ZNF385B: variants seen among roughly 807,000 people sequenced by gnomAD.
ZNF385B encodes zinc finger protein 385B, also known as zinc finger protein 533.
A neutral mutation model predicts 39.2 loss-of-function variants in ZNF385B; 23 were observed. The observed-to-expected ratio is 0.59, with a 90% CI of 0.42 to 0.83. ZNF385B has a LOEUF of 0.83. Among genes scored for constraint, ZNF385B ranks in the 40% least tolerant of loss-of-function variants. ZNF385B has a pLI of 0.00. For missense variants in ZNF385B, 552 were observed against 598.9 expected (o/e 0.92, Z 0.82); for synonymous variants, 205 against 222.6 (o/e 0.92, Z 0.70).
chr2:179,491,574 C>T (rs1227296547), intron 5 of ZNF385B, among the ~76,000 whole-genome samples: 1 of 152,054 alleles, frequency 6.6e-6, no homozygotes, highest in Non-Finnish European at 1.5e-5. Context: ...TAATGGGAAC[C>T]ATTATAATTT....
chr2:179,694,595 T>C (rs1019171848), intron 3 of ZNF385B, among the ~76,000 whole-genome samples: 2 of 152,094 alleles, frequency 1.3e-5, no homozygotes, highest in Non-Finnish European at 1.5e-5. Context: ...AAAAAAGGGA[T>C]TGGACTTTGA....
intron 3 of ZNF385B, among the ~76,000 whole-genome samples, chr2:179,639,945 G>A (rs3112939): frequency 6.6e-6 from 1 of 152,076 alleles, no homozygotes; most frequent in Non-Finnish European, 1.5e-5. Flanking sequence ...AATGACACTG[G>A]GAAGGACACA....
intron 3 of ZNF385B, among the ~76,000 whole-genome samples, chr2:179,692,584 A>G (rs1348996580): frequency 6.6e-6 from 1 of 152,196 alleles, no homozygotes; most frequent in Non-Finnish European, 1.5e-5. Flanking sequence ...ACGTTTCACA[A>G]AGTGCTTTCA....
intron 8 of ZNF385B, 28 bp from the exon 9 acceptor site, chr2:179,445,005 C>T: frequency 6.3e-7 from 1 of 1,581,444 alleles, no homozygotes; most frequent in Non-Finnish European, 8.7e-7. Context: ...ATTAGCTGGA[C>T]TGAAATGTGA....
chr2:179,588,926 G>C (rs1268626296), intron 3 of ZNF385B, among the ~76,000 whole-genome samples: 4 of 152,172 alleles, frequency 2.6e-5, no homozygotes, highest in Non-Finnish European at 5.9e-5. Context: ...CAGCACTGTA[G>C]AGAGAGCTCT....
At chr2:179,483,152 T>C in intron 6 of ZNF385B, 120 bp downstream of exon 6, 2 of 1,111,674 alleles carry the variant, frequency 1.8e-6, no homozygotes, top group Admixed American at 2.5e-5. Context: ...AGAAAACATA[T>C]TAATATCACA....
chr2:179,588,571 A>G (rs1687291523), intron 3 of ZNF385B, among the ~76,000 whole-genome samples: 1 of 152,072 alleles, frequency 6.6e-6, no homozygotes, highest in East Asian at 1.9e-4. Context: ...TGCTAAAATC[A>G]TTTTCCAACT....
chr2:179,637,250 G>T (rs1218556155), intron 3 of ZNF385B: 1 of 152,184 alleles, frequency 6.6e-6, no homozygotes, highest in Non-Finnish European at 1.5e-5. Context: ...AGATGCCTCA[G>T]TGATTATAGT....
chr2:179,848,172 C>A (rs144939828), intron 1 of ZNF385B, among the ~76,000 whole-genome samples: 1 of 152,144 alleles, frequency 6.6e-6, no homozygotes, highest in Admixed American at 6.5e-5. Context: ...GGGCTCAGGG[C>A]AAATTTATTA....
At chr2:179,530,212 T>C (rs1472853614) in intron 4 of ZNF385B, among the ~76,000 whole-genome samples, 1 of 152,176 alleles carries the variant, frequency 6.6e-6, no homozygotes, top group Non-Finnish European at 1.5e-5. Context: ...GTCCTCAAAT[T>C]AAATTTCCAT....
At chr2:179,606,041 T>A (rs1201773489) in intron 3 of ZNF385B, among the ~76,000 whole-genome samples, 3 of 152,140 alleles carry the variant, frequency 2.0e-5, no homozygotes, top group African/African-American at 7.2e-5. Context: ...GAGTACAAAT[T>A]ATTATATTTT....
intron 4 of ZNF385B, among the ~76,000 whole-genome samples, chr2:179,531,919 G>A (rs767947105): frequency 6.6e-6 from 1 of 152,292 alleles, no homozygotes; most frequent in South Asian, 2.1e-4. Context: ...ATAGGTATGT[G>A]TACACATAAT....
intron 3 of ZNF385B, among the ~76,000 whole-genome samples, chr2:179,638,307 A>C (rs936202834): frequency 6.6e-6 from 1 of 152,220 alleles, no homozygotes; most frequent in Non-Finnish European, 1.5e-5. Flanking sequence ...GAACTAATTT[A>C]CAAGTTTATT....
intron 4 of ZNF385B, among the ~76,000 whole-genome samples, chr2:179,532,998 T>G (rs149936062): frequency 1.3e-5 from 2 of 152,128 alleles, no homozygotes; most frequent in Admixed American, 6.5e-5. Context: ...TAAAAGGGAG[T>G]CTATGAATTG....
chr2:179,740,066 G>A (rs1217942453), intron 3 of ZNF385B, among the ~76,000 whole-genome samples: 1 of 152,096 alleles, frequency 6.6e-6, no homozygotes, highest in East Asian at 1.9e-4. Context: ...TTCTGAATCT[G>A]CTTACTCCTG....
chr2:179,534,890 C>G (rs778018527), intron 4 of ZNF385B: 3 of 152,166 alleles, frequency 2.0e-5, no homozygotes, highest in Non-Finnish European at 4.4e-5. Flanking sequence ...GAGTGACTGA[C>G]TAAATAAATA....
chr2:179,669,255 T>G (rs897973634), intron 3 of ZNF385B, among the ~76,000 whole-genome samples: 1 of 152,048 alleles, frequency 6.6e-6, no homozygotes, highest in South Asian at 2.1e-4. Context: ...AAAGCAGGAG[T>G]TCTGGCCCTG....
At chr2:179,609,035 A>T (rs1382392855) in intron 3 of ZNF385B, among the ~76,000 whole-genome samples, 1 of 152,104 alleles carries the variant, frequency 6.6e-6, no homozygotes. Context: ...GGTAAATGGG[A>T]TATCCATCAC....
intron 1 of ZNF385B, among the ~76,000 whole-genome samples, chr2:179,860,667 G>A (rs562331579): frequency 6.6e-6 from 1 of 152,116 alleles, no homozygotes; most frequent in African/African-American, 2.4e-5. Context: ...CACACACCTC[G>A]GTCCCCTAAC....
Sources: gnomAD v4.1 joint callset for allele counts (sites outside exome capture counted in the v4.1 genomes callset) on GRCh38, gnomAD v4.1.1 for gene constraint, MANE v1.5 for transcripts, NCBI Gene and HGNC (gene_info 2026-07-23, HGNC 2026-07-21) for gene names.